LDB2: variants seen among roughly 807,000 people sequenced by gnomAD.
LDB2 encodes the protein LIM domain-binding protein 2.
A neutral mutation model predicts 44.3 loss-of-function variants in LDB2; 12 were observed. That is an observed-to-expected ratio of 0.27 (90% CI 0.17 to 0.44). The LOEUF (loss-of-function observed/expected upper bound fraction) is 0.44. Ranked by LOEUF, LDB2 falls within the 20% of genes least tolerant of loss-of-function variation. The pLI is 1.00. For missense variants in LDB2, 344 were observed against 473.5 expected (o/e 0.73, Z 2.54); for synonymous variants, 164 against 174.8 (o/e 0.94, Z 0.49).
intron 1 of LDB2, among the ~76,000 whole-genome samples, chr4:16,788,072 C>CT (rs1317653709): frequency 6.6e-6 from 1 of 152,140 alleles, no homozygotes; most frequent in Non-Finnish European, 1.5e-5. Flanking sequence ...ATCCTCCCCC[C>CT]CCTCTCTGCC....
chr4:16,754,429 C>G (rs181671327), intron 2 of LDB2, among the ~76,000 whole-genome samples: 29 of 152,242 alleles, frequency 1.9e-4, no homozygotes, highest in African/African-American at 7.0e-4. Context: ...CCATGCATAT[C>G]AATGATAATA....
At chr4:16,790,395 A>G (rs1775447814) in intron 1 of LDB2, among the ~76,000 whole-genome samples, 1 of 152,236 alleles carries the variant, frequency 6.6e-6, no homozygotes. Context: ...ATAAGGTTCT[A>G]TTGAAGCAAA....
At chr4:16,871,706 G>A (rs1357254183) in intron 1 of LDB2, among the ~76,000 whole-genome samples, 3 of 146,170 alleles carry the variant, frequency 2.1e-5, no homozygotes, top group East Asian at 2.0e-4. Flanking sequence ...TGCAACCTCC[G>A]CCTCCCAGGT....
intron 1 of LDB2, among the ~76,000 whole-genome samples, chr4:16,856,602 T>A (rs1038287021): frequency 6.6e-6 from 1 of 152,234 alleles, no homozygotes; most frequent in African/African-American, 2.4e-5. Context: ...GGCATAGCTG[T>A]GTTACAATAA....
chr4:16,628,804 C>A (rs1226586588), intron 2 of LDB2, among the ~76,000 whole-genome samples: 1 of 152,162 alleles, frequency 6.6e-6, no homozygotes, highest in Non-Finnish European at 1.5e-5. Context: ...TGGGGTGTCA[C>A]CTCACCCAGG....
intron 1 of LDB2, among the ~76,000 whole-genome samples, chr4:16,884,744 A>T (rs1483008): frequency 6.6e-6 from 1 of 151,956 alleles, no homozygotes; most frequent in Non-Finnish European, 1.5e-5. Context: ...TCCATTAAAC[A>T]AATAAGCCAC....
chr4:16,709,507 A>G (rs1755395381), intron 2 of LDB2, among the ~76,000 whole-genome samples: 1 of 152,196 alleles, frequency 6.6e-6, no homozygotes, highest in African/African-American at 2.4e-5. Context: ...TACTCAATTA[A>G]TATTCATTGA....
intron 2 of LDB2, among the ~76,000 whole-genome samples, chr4:16,746,612 C>T (rs1386561879): frequency 2.0e-5 from 3 of 152,084 alleles, no homozygotes; most frequent in Admixed American, 2.0e-4. Flanking sequence ...CATGGTGAAA[C>T]CCCGTCTCTA....
chr4:16,687,654 C>T (rs968890675), intron 2 of LDB2, among the ~76,000 whole-genome samples: 1 of 152,150 alleles, frequency 6.6e-6, no homozygotes, highest in Non-Finnish European at 1.5e-5. Flanking sequence ...TTACCCATAT[C>T]AACTAATGTG....
intron 1 of LDB2, among the ~76,000 whole-genome samples, chr4:16,774,392 T>C (rs549971213): frequency 6.0e-4 from 92 of 152,258 alleles, no homozygotes; most frequent in African/African-American, 2.2e-3. Flanking sequence ...TCCTGTAATA[T>C]TATGTTTTTA....
At chr4:16,644,365 T>C (rs1736069411) in intron 2 of LDB2, among the ~76,000 whole-genome samples, 1 of 152,188 alleles carries the variant, frequency 6.6e-6, no homozygotes, top group Non-Finnish European at 1.5e-5. Context: ...TCCGGTAACA[T>C]GTCCATTTCG....
chr4:16,581,079 T>A (rs959164709), intron 5 of LDB2, among the ~76,000 whole-genome samples: 5 of 152,192 alleles, frequency 3.3e-5, no homozygotes, highest in African/African-American at 1.2e-4. Context: ...AAGGATCAAC[T>A]CCCGTGTGTT....
chr4:16,834,511 C>T (rs1258503444), intron 1 of LDB2, among the ~76,000 whole-genome samples: 1 of 152,116 alleles, frequency 6.6e-6, no homozygotes, highest in Admixed American at 6.5e-5. Flanking sequence ...GAGCACGTGA[C>T]TCCTATAGGT....
At chr4:16,598,280 G>GTTT (rs1163569670) in intron 2 of LDB2, among the ~76,000 whole-genome samples, 1 of 152,200 alleles carries the variant, frequency 6.6e-6, no homozygotes, top group Non-Finnish European at 1.5e-5. Context: ...GAAGAAGTCA[G>GTTT]TTGCTATGTA....
At chr4:16,720,705 A>T (rs16893882) in intron 2 of LDB2, among the ~76,000 whole-genome samples, 1,663 of 152,258 alleles carry the variant, frequency 0.011, 45 homozygotes, top group African/African-American at 0.038. Flanking sequence ...AGCAATATGG[A>T]TGTTCGTATA....
chr4:16,711,234 G>A (rs1399274461), intron 2 of LDB2, among the ~76,000 whole-genome samples: 1 of 152,228 alleles, frequency 6.6e-6, no homozygotes, highest in Admixed American at 6.5e-5. Flanking sequence ...AGTTTAAAAA[G>A]AAGAGCAAAA....
chr4:16,866,462 G>T (rs970861552), intron 1 of LDB2, among the ~76,000 whole-genome samples: 1 of 152,064 alleles, frequency 6.6e-6, no homozygotes, highest in Non-Finnish European at 1.5e-5. Context: ...AAAGAATTTT[G>T]TAACAATCTG....
At chr4:16,524,505 G>C (rs1282568382) in intron 5 of LDB2, among the ~76,000 whole-genome samples, 1 of 152,142 alleles carries the variant, frequency 6.6e-6, no homozygotes, top group Non-Finnish European at 1.5e-5. Flanking sequence ...CAGGGCATTG[G>C]AAACCACCAC....
At chr4:16,527,811 C>A (rs906935542) in intron 5 of LDB2, among the ~76,000 whole-genome samples, 1 of 151,534 alleles carries the variant, frequency 6.6e-6, no homozygotes, top group African/African-American at 2.4e-5. Flanking sequence ...TTACCTCACA[C>A]ACACAAAATG....
Sources: allele counts gnomAD v4.1 joint callset (sites outside exome capture counted in the v4.1 genomes callset), GRCh38; gene constraint gnomAD v4.1.1; transcripts MANE v1.5; gene names NCBI Gene and HGNC (gene_info 2026-07-23, HGNC 2026-07-21).